Variants in HP1BP3 observed in about 807,000 individuals in gnomAD.
HP1BP3 encodes heterochromatin protein 1 binding protein 3.
In HP1BP3, 12 loss-of-function variants were observed where a neutral mutation model predicts 62.5. The observed-to-expected ratio is 0.19, with a 90% confidence interval of 0.12 to 0.31. HP1BP3 has a LOEUF of 0.31. Among genes scored for constraint, HP1BP3 ranks in the 10% least tolerant of loss-of-function variants. The pLI, the probability that HP1BP3 is intolerant of heterozygous loss-of-function variation, is 1.00. For synonymous variants in HP1BP3, 260 were observed against 237.8 expected (o/e 1.09, Z -0.86); for missense variants, 502 against 651.8 (o/e 0.77, Z 2.50).
intron 9 of HP1BP3, among the ~76,000 whole-genome samples, chr1:20,752,946 C>T (rs1274460924): frequency 1.5e-5 from 2 of 132,362 alleles, no homozygotes; most frequent in African/African-American, 2.6e-5. Context: ...TCTTGGAACA[C>T]GTTTTTTTTT....
At chr1:20,770,902 G>A in intron 6 of HP1BP3, 28 bp downstream of exon 6, 1 of 1,524,612 alleles carries the variant, frequency 6.6e-7, no homozygotes, top group Non-Finnish European at 8.8e-7. Context: ...ACAATGAAAT[G>A]ATCTTACTAC....
intron 8 of HP1BP3, among the ~76,000 whole-genome samples, chr1:20,761,345 T>C (rs2056465878): frequency 6.6e-6 from 1 of 152,178 alleles, no homozygotes; most frequent in Non-Finnish European, 1.5e-5. Context: ...CCAGCCTGTT[T>C]ACTGATATAT....
In HP1BP3 at chr1:20,744,841, TG is replaced by T; in HGVS notation, c.1617del (p.Lys540ArgfsTer6). ...GACTTCTTCATGGTGGATTTGCCCT[TG>T]CCCGGCAATTTTACTTCCTTTCTTG... ...TSARKEVKLP[G>X]KGKSTMKKSF... On this transcript the variant is annotated frameshift_variant, in exon 13 of 13. Transcript: ENST00000438032. LOFTEE classifies it high-confidence loss of function. 6.2e-7 allele frequency: 1 copy of T among 1,613,724 alleles called. No individual in the cohort carries two copies. Among genetic ancestry groups the T allele is most frequent in the Non-Finnish European group, 8.5e-7 (1 of 1,179,986 alleles).
rs757102719 is a variant in HP1BP3, at chr1:20,745,673, T to C, written c.1254-17A>G. ...ACTCCTGGGCTATACGGGGAAAAAT[T>C]AGATTAAAACACAAGTCCCATATAA... is the stretch of plus-strand genomic sequence containing the variant. On this transcript the variant is annotated splice_polypyrimidine_tract_variant and intron_variant, in intron 11 of 12. Transcript: ENST00000438032. 1.9e-6 allele frequency: 3 copies of C among 1,612,826 alleles called. No individual in the cohort carries two copies. Among genetic ancestry groups the C allele is most frequent in the Non-Finnish European group, 2.5e-6 (3 of 1,179,390 alleles).
At chr1:20,786,901 T>TC (rs2057867102) in intron 1 of HP1BP3, among the ~76,000 whole-genome samples, 1 of 150,728 alleles carries the variant, frequency 6.6e-6, no homozygotes, top group Admixed American at 6.6e-5. Context: ...AGAGAAGAGC[T>TC]CCCCCTCCTC....
chr1:20,780,460 C>A lies in HP1BP3; in HGVS notation c.-20G>T, dbSNP rs778437357. ...CGCCATTTTAAATAATTTCTAGGCC[C>A]GAGTACAGGTTACACTCTGAAGCCT... On this transcript the variant is annotated 5_prime_UTR_variant, in exon 2 of 13. Transcript: ENST00000438032. The A allele has an allele frequency of 1.9e-6, 3 of 1,544,144 alleles. No individual in the cohort carries two copies. In the African/African-American group the frequency reaches 4.1e-5, roughly 21 times the overall value.
At chr1:20,758,556 A>C (rs2056269711) in intron 8 of HP1BP3, among the ~76,000 whole-genome samples, 1 of 151,946 alleles carries the variant, frequency 6.6e-6, no homozygotes, top group African/African-American at 2.4e-5. Flanking sequence ...CTGTGTTAGC[A>C]AGGATGGTCT....
intron 8 of HP1BP3, among the ~76,000 whole-genome samples, chr1:20,761,477 CTGAAA>C (rs2056476077): frequency 6.6e-6 from 1 of 152,022 alleles, no homozygotes. Context: ...TTGTCATGAA[CTGAAA>C]TGAAGATAAT....
At chr1:20,771,866 A>G (rs2057076731) in intron 5 of HP1BP3, among the ~76,000 whole-genome samples, 1 of 152,244 alleles carries the variant, frequency 6.6e-6, no homozygotes, top group Non-Finnish European at 1.5e-5. Context: ...CACAGTGTCT[A>G]TTAAATCAAT....
chr1:20,772,150 A>G (rs1162778174), intron 5 of HP1BP3, among the ~76,000 whole-genome samples: 1 of 152,192 alleles, frequency 6.6e-6, no homozygotes, highest in Non-Finnish European at 1.5e-5. Flanking sequence ...TTGCTCCACC[A>G]ATCCGACAGT....
intron 4 of HP1BP3, chr1:20,776,106 C>A: frequency 1.9e-6 from 2 of 1,032,354 alleles, no homozygotes; most frequent in Non-Finnish European, 2.7e-6. Flanking sequence ...ATTCTCAAAG[C>A]CAATTCTTCA....
chr1:20,751,108 T>C (rs1450419891), intron 9 of HP1BP3, among the ~76,000 whole-genome samples: 1 of 152,112 alleles, frequency 6.6e-6, no homozygotes, highest in Non-Finnish European at 1.5e-5. Context: ...TGACCCACTG[T>C]GGCCGGCCAT....
intron 8 of HP1BP3, among the ~76,000 whole-genome samples, chr1:20,762,012 A>G (rs1207806407): frequency 6.6e-6 from 1 of 152,192 alleles, no homozygotes; most frequent in Non-Finnish European, 1.5e-5. Flanking sequence ...AAGTCTGACT[A>G]AAGTGGAGAA....
chr1:20,764,925 T>C (rs1400852630), intron 8 of HP1BP3, among the ~76,000 whole-genome samples: 1 of 150,742 alleles, frequency 6.6e-6, no homozygotes, highest in Non-Finnish European at 1.5e-5. Context: ...TCCTAGCACT[T>C]TGGGAGGCCG....
rs2057314547 is a variant in HP1BP3, at chr1:20,776,603, T to C, written c.344A>G (p.Lys115Arg). Residue 115 changes from lysine (K) to arginine (R), a missense_variant, in exon 4 of 13, where the codon AAA becomes AGA. Physicochemically the swap from Lys to Arg is conservative, Grantham distance 26. Transcript: ENST00000438032. The stretch of plus-strand genomic sequence containing the variant: ...AGAAGACATAACTCCTTACTCCTTT[T>C]TGGTTTCCTCAGAAGACTTATTTTC... ...KEENKSSEET[K>R]KDEKDQSKEK... 1.2e-6 allele frequency: 2 copies of C among 1,610,880 alleles called. No individual in the cohort carries two copies. Among genetic ancestry groups the C allele is most frequent in the African/African-American group, 2.7e-5 (2 of 74,734 alleles).
chr1:20,756,418 T>TG (rs1296869797), intron 9 of HP1BP3, among the ~76,000 whole-genome samples: 1 of 148,704 alleles, frequency 6.7e-6, no homozygotes, highest in Non-Finnish European at 1.5e-5. Context: ...AAAAAAAAAT[T>TG]GGGGAAGACG....
At chr1:20,765,695 G>C (rs954165808) in intron 7 of HP1BP3, among the ~76,000 whole-genome samples, 164 bp from the exon 8 acceptor site, 2 of 152,144 alleles carry the variant, frequency 1.3e-5, no homozygotes, top group African/African-American at 4.8e-5. Context: ...TAAAAGCTGG[G>C]TGTGGTGGCT....
At position 20,767,574 on chromosome 1, in the gene HP1BP3, G is replaced by T. The variant is rs780650408; in HGVS notation, c.735+10C>A. 1.3e-6 allele frequency: 2 copies of T among 1,577,642 alleles called. No homozygotes were observed. Among genetic ancestry groups the T allele is most frequent in the Middle Eastern group, 1.7e-4 (1 of 6,004 alleles). ...TCCACAGCACTCAAACTGTGGTATA[G>T]ATGTCTTACCTTTCTGTTTCTGGAT... On this transcript the variant is annotated intron_variant, in intron 7 of 12. Coordinates refer to ENST00000438032, the MANE Select transcript of HP1BP3 (RefSeq NM_001372052.1).
chr1:20,781,483 A>T (rs2057544213), intron 1 of HP1BP3, among the ~76,000 whole-genome samples: 1 of 152,376 alleles, frequency 6.6e-6, no homozygotes, highest in African/African-American at 2.4e-5. Flanking sequence ...CTTATCGGGA[A>T]AATATTTTTA....
Sources: gnomAD v4.1 joint callset for allele counts (sites outside exome capture counted in the v4.1 genomes callset) on GRCh38, gnomAD v4.1.1 for gene constraint, MANE v1.5 for transcripts, NCBI Gene and HGNC (gene_info 2026-07-23, HGNC 2026-07-21) for gene names.